IL34: variants seen among roughly 807,000 people sequenced by gnomAD.
IL34 encodes interleukin 34.
IL34 carries 17 observed loss-of-function variants against 25.3 expected under a neutral mutation model. The ratio of observed to expected loss-of-function variants is 0.67; its 90% confidence interval spans 0.46 to 1.01. The LOEUF is 1.01. IL34 is among the 50% of genes least tolerant of loss of function. The pLI, the probability that IL34 is intolerant of heterozygous loss-of-function variation, is 0.00. For missense variants in IL34, 368 were observed against 312.9 expected (o/e 1.18, Z -1.33); for synonymous variants, 174 against 140.9 (o/e 1.23, Z -1.66).
rs1368084158 is a variant in IL34 at position 70,660,133 on chromosome 16, C to T, written c.675C>T (p.His225=). Residue 225 remains histidine (H), a synonymous_variant, in exon 6 of 6, where the codon CAC becomes CAT. Coordinates refer to ENST00000288098, the MANE Select transcript of IL34 (RefSeq NM_001393494.1). The part of the protein sequence containing the change: ...PPPWSPSSPP[H]STGSVRPVRA... ...CGTGGTCCCCCAGCTCCCCGCCTCA[C>T]TCCACGGGCTCGGTGAGGCCGGTCA... 1.2e-6 allele frequency: 2 copies of T among 1,611,318 alleles called. No individual in the cohort carries two copies. Among genetic ancestry groups the T allele is most frequent in the Admixed American group, 3.4e-5 (2 of 59,524 alleles).
intron 1 of IL34, among the ~76,000 whole-genome samples, chr16:70,599,436 A>C (rs1273818336): frequency 6.7e-6 from 1 of 149,416 alleles, no homozygotes; most frequent in Non-Finnish European, 1.5e-5. Context: ...GGCTCACTGC[A>C]ACCTTTGCCT....
chr16:70,595,153 G>T (rs1481108765), intron 1 of IL34, among the ~76,000 whole-genome samples: 1 of 151,940 alleles, frequency 6.6e-6, no homozygotes, highest in Non-Finnish European at 1.5e-5. Context: ...TAGAGATGGG[G>T]TTTTGCCATG....
chr16:70,618,651 G>A (rs941341365), intron 1 of IL34, among the ~76,000 whole-genome samples: 3 of 152,170 alleles, frequency 2.0e-5, no homozygotes, highest in Non-Finnish European at 4.4e-5. Context: ...TGGCTCTTGT[G>A]TAAGAATTCT....
At chr16:70,608,761 A>C (rs1197039385) in intron 1 of IL34, among the ~76,000 whole-genome samples, 1 of 152,232 alleles carries the variant, frequency 6.6e-6, no homozygotes, top group Non-Finnish European at 1.5e-5. Context: ...TCTTGCCTGG[A>C]GAGGCACCTG....
chr16:70,656,295 GA>G lies in IL34; in HGVS notation c.163-306del, dbSNP rs571368261. Among the ~76,000 whole-genome samples, 43 of 152,280 alleles carry G rather than the reference GA, an allele frequency of 2.8e-4. No homozygotes were observed. The East Asian group carries it at 8.3e-3, about 29-fold the overall frequency. Reference sequence around the variant, plus strand: ...CTCATACCTATAACCCCAGCACTTTGAGGGGCTTGAGCCCGGGATTCAAGAC... The same window carrying G: ...CTCATACCTATAACCCCAGCACTTTGGGGGCTTGAGCCCGGGATTCAAGAC... On this transcript the variant is annotated intron_variant, in intron 2 of 5. Coordinates refer to ENST00000288098, the MANE Select transcript of IL34 (RefSeq NM_001393494.1).
intron 1 of IL34, among the ~76,000 whole-genome samples, chr16:70,616,172 C>G (rs781557072): frequency 1.3e-5 from 2 of 152,124 alleles, no homozygotes; most frequent in African/African-American, 2.4e-5. Flanking sequence ...ATACACGTGG[C>G]CTGTTGCAGG....
At chr16:70,642,764 C>G (rs1300223097), upstream of IL34, among the ~76,000 whole-genome samples, 1 of 152,146 alleles carries the variant, frequency 6.6e-6, no homozygotes, top group African/African-American at 2.4e-5. Context: ...TCATAACATG[C>G]TACAAAATGA....
upstream of IL34, among the ~76,000 whole-genome samples, chr16:70,644,626 A>G (rs997180443): frequency 2.7e-5 from 4 of 150,852 alleles, no homozygotes; most frequent in African/African-American, 9.7e-5. Flanking sequence ...CCCCAAACTA[A>G]TGACAACTAA....
At chr16:70,623,421 T>A (rs1308051192) in intron 1 of IL34, among the ~76,000 whole-genome samples, 3 of 152,034 alleles carry the variant, frequency 2.0e-5, no homozygotes, top group African/African-American at 7.2e-5. Context: ...TGTCTGGTTT[T>A]AGGACAGGCA....
At chr16:70,659,482 A>G (rs1183815583) in intron 4 of IL34, 136 bp from the exon 5 acceptor site, 3 of 1,132,086 alleles carry the variant, frequency 2.6e-6, no homozygotes, top group Non-Finnish European at 3.7e-6. Flanking sequence ...AGAAATAGCT[A>G]TCCAGGCTCA....
intron 1 of IL34, among the ~76,000 whole-genome samples, chr16:70,629,439 C>T (rs77359896): frequency 0.019 from 2,902 of 152,214 alleles, 28 homozygotes; most frequent in Middle Eastern, 0.037. Context: ...TGTATACTTG[C>T]GGAACCGGTT....
At chr16:70,624,542 C>A (rs952265680) in intron 1 of IL34, among the ~76,000 whole-genome samples, 2 of 152,152 alleles carry the variant, frequency 1.3e-5, no homozygotes, top group African/African-American at 4.8e-5. Flanking sequence ...GGCTGTAAAG[C>A]GTCTCAAGGT....
intron 1 of IL34, among the ~76,000 whole-genome samples, chr16:70,596,842 C>T (rs1374667768): frequency 1.3e-5 from 2 of 152,176 alleles, no homozygotes; most frequent in East Asian, 3.8e-4. Flanking sequence ...TTCCCTTGGC[C>T]TCCCAAAGTG....
At chr16:70,589,153 C>T (rs1161880955) in intron 1 of IL34, among the ~76,000 whole-genome samples, 9 of 151,950 alleles carry the variant, frequency 5.9e-5, no homozygotes, top group Non-Finnish European at 1.3e-4. Flanking sequence ...GCCAAGGTCA[C>T]GCCATTGCAC....
chr16:70,636,575 G>A (rs936063309), intron 1 of IL34, among the ~76,000 whole-genome samples: 17 of 140,060 alleles, frequency 1.2e-4, no homozygotes, highest in Admixed American at 1.1e-3. Flanking sequence ...GGACAACATA[G>A]CAAACCCTGT....
intron 1 of IL34, among the ~76,000 whole-genome samples, chr16:70,591,553 A>T (rs1407097284): frequency 2.1e-5 from 3 of 144,132 alleles, no homozygotes; most frequent in African/African-American, 5.2e-5. Flanking sequence ...TGAGTAGTGG[A>T]GTGAGATCCT....
chr16:70,604,479 C>G (rs867201367), intron 1 of IL34, among the ~76,000 whole-genome samples: 1 of 152,208 alleles, frequency 6.6e-6, no homozygotes, highest in African/African-American at 2.4e-5. Context: ...AAACCAAAAC[C>G]AGGCATCCAG....
chr16:70,581,208 G>A (rs140810804), intron 1 of IL34, among the ~76,000 whole-genome samples: 5 of 152,182 alleles, frequency 3.3e-5, no homozygotes, highest in East Asian at 1.9e-4. Context: ...CACCACGCCC[G>A]GCCAACTTTG....
At chr16:70,628,493 A>AT (rs899078206) in intron 1 of IL34, among the ~76,000 whole-genome samples, 41 of 146,294 alleles carry the variant, frequency 2.8e-4, no homozygotes, top group East Asian at 8.0e-4. Context: ...TTATTTATTT[A>AT]TTTTTTTTTT....
Sources: allele counts gnomAD v4.1 joint callset (sites outside exome capture counted in the v4.1 genomes callset), GRCh38; gene constraint gnomAD v4.1.1; transcripts MANE v1.5; gene names NCBI Gene and HGNC (gene_info 2026-07-23, HGNC 2026-07-21).